Variants in PDE3B observed in about 807,000 individuals in gnomAD.
The protein encoded by PDE3B is cGMP-inhibited 3',5'-cyclic phosphodiesterase 3B.
Under a neutral mutation model 116.8 loss-of-function variants are expected in PDE3B, and 66 were observed. The observed-to-expected ratio is 0.56, with a 90% CI of 0.46 to 0.69. PDE3B has a LOEUF of 0.69. Ranked by LOEUF, PDE3B falls within the 30% of genes least tolerant of loss-of-function variation. The pLI is 0.00. For synonymous variants in PDE3B, 595 were observed against 533.6 expected, an observed-to-expected ratio of 1.12 and a Z score of -1.59; for missense variants, 1,384 against 1,368.1, an observed-to-expected ratio of 1.01 and a Z score of -0.18.
At chr11:14,795,416 C>T (rs1383821109) in intron 4 of PDE3B, among the ~76,000 whole-genome samples, 2 of 152,226 alleles carry the variant, frequency 1.3e-5, no homozygotes, top group Non-Finnish European at 2.9e-5. Context: ...ATTGGAACTA[C>T]TCGTCTGCTT....
At chr11:14,888,723 C>T in the PDE3B span, among the ~76,000 whole-genome samples, 2 of 152,172 alleles carry the variant, frequency 1.3e-5, no homozygotes, top group African/African-American at 4.8e-5. Context: ...GCAGTGATTT[C>T]ATCTTTTTCA....
the PDE3B span, among the ~76,000 whole-genome samples, chr11:14,882,729 G>C: frequency 9.8e-5 from 15 of 152,326 alleles, no homozygotes; most frequent in African/African-American, 2.4e-4. Context: ...ATTAGGAAAA[G>C]AGGAAGTCAA....
chr11:14,688,097 TTCTCTCTCTCTCTCTTTC>T (rs921595371), intron 1 of PDE3B, among the ~76,000 whole-genome samples: 5 of 115,758 alleles, frequency 4.3e-5, no homozygotes, highest in Admixed American at 1.6e-4. Flanking sequence ...CTTTCTTTCT[TTCTCTCTCTCTCTCTTTC>T]TCTCTCTCTC....
intron 1 of PDE3B, among the ~76,000 whole-genome samples, chr11:14,645,578 G>A (rs990116249): frequency 2.0e-5 from 3 of 152,138 alleles, no homozygotes; most frequent in Non-Finnish European, 4.4e-5. Flanking sequence ...CAAGACATGA[G>A]CTTTGCAAAT....
At chr11:14,765,261 T>C (rs567966833) in intron 1 of PDE3B, among the ~76,000 whole-genome samples, 1 of 152,100 alleles carries the variant, frequency 6.6e-6, no homozygotes, top group East Asian at 1.9e-4. Flanking sequence ...ATAACAGTTC[T>C]GTAAGCTTGA....
chr11:14,891,632 G>A, the PDE3B span: 10 of 1,101,982 alleles, frequency 9.1e-6, no homozygotes, highest in Non-Finnish European at 1.1e-5. Flanking sequence ...CCGCACCTGA[G>A]GGCATGCGTC....
At chr11:14,766,897 T>A (rs1319995577) in intron 1 of PDE3B, among the ~76,000 whole-genome samples, 1 of 151,768 alleles carries the variant, frequency 6.6e-6, no homozygotes, top group African/African-American at 2.4e-5. Context: ...TGTCTGCTAT[T>A]CTTCCTCAAG....
chr11:14,679,833 C>T (rs372828707), intron 1 of PDE3B, among the ~76,000 whole-genome samples: 4 of 151,992 alleles, frequency 2.6e-5, no homozygotes, highest in African/African-American at 7.2e-5. Flanking sequence ...CACTACAGTT[C>T]ACGGAATGGA....
chr11:14,790,345 G>A (rs201260329), intron 4 of PDE3B, among the ~76,000 whole-genome samples: 1 of 119,594 alleles, frequency 8.4e-6, no homozygotes, highest in African/African-American at 3.1e-5. Flanking sequence ...TTTTTTTTTT[G>A]TAAAGGAAGC....
chr11:14,643,992 CG>C lies in PDE3B; in HGVS notation c.-79del, dbSNP rs570978799. On this transcript the variant is annotated 5_prime_UTR_variant, in exon 1 of 16. Coordinates refer to ENST00000282096, the MANE Select transcript of PDE3B (RefSeq NM_000922.4). ...TGCGAACCAGGGGGCGCCCCGAACG[CG>C]GGGGTTGGGGTCTGGGAGCGCGAGC... 1.5e-6 allele frequency: 2 copies of C among 1,375,764 alleles called. No individual in the cohort carries two copies. The highest frequency in any genetic ancestry group is 3.3e-5 in the South Asian group (2 of 59,874). 85.2% of individuals were successfully genotyped at this position (1,375,764 alleles called of 1,614,324 possible).
At chr11:14,759,997 A>G (rs960351166) in intron 1 of PDE3B, among the ~76,000 whole-genome samples, 5 of 152,162 alleles carry the variant, frequency 3.3e-5, no homozygotes, top group African/African-American at 9.7e-5. Flanking sequence ...TATAGGATGA[A>G]AGAGACTTAC....
chr11:14,658,870 AG>A (rs1853800518), intron 1 of PDE3B, among the ~76,000 whole-genome samples: 1 of 152,240 alleles, frequency 6.6e-6, no homozygotes, highest in South Asian at 2.1e-4. Context: ...ATTCAGGGAC[AG>A]TATCTTATTT....
At chr11:14,679,324 T>C (rs1307448438) in intron 1 of PDE3B, among the ~76,000 whole-genome samples, 1 of 152,182 alleles carries the variant, frequency 6.6e-6, no homozygotes, top group African/African-American at 2.4e-5. Context: ...TTTTTTAGGC[T>C]CTTGAGCCCC....
At chr11:14,770,313 G>A (rs1325700638) in intron 1 of PDE3B, among the ~76,000 whole-genome samples, 1 of 151,354 alleles carries the variant, frequency 6.6e-6, no homozygotes, top group Admixed American at 6.6e-5. Flanking sequence ...ATGGAGAATA[G>A]GGTAGTTGAC....
intron 3 of PDE3B, 130 bp downstream of exon 3, chr11:14,786,815 G>T: frequency 1.5e-6 from 1 of 664,750 alleles, no homozygotes; most frequent in Non-Finnish European, 2.6e-6. Context: ...AGCTGCTTGG[G>T]ATGTTAGAGG....
intron 1 of PDE3B, among the ~76,000 whole-genome samples, chr11:14,654,944 A>G (rs1427469494): frequency 2.7e-5 from 2 of 73,844 alleles, no homozygotes; most frequent in African/African-American, 5.6e-5. Flanking sequence ...TATCAGAGAA[A>G]AAAGGAGGTC....
Position 14,818,171 on chromosome 11 carries a change from T to C in PDE3B, c.1523-12T>C. On this transcript the variant is annotated splice_polypyrimidine_tract_variant and intron_variant, in intron 5 of 15. Coordinates refer to ENST00000282096, the MANE Select transcript of PDE3B (RefSeq NM_000922.4). The stretch of plus-strand genomic sequence containing the variant: ...TCTTATTTATCTATCTCCTTTCTTT[T>C]AATTTTTAAAGGTGTTTTGTCCAGT... 6.4e-7 allele frequency: 1 copy of C among 1,558,212 alleles called. No homozygotes were observed. The highest frequency in any genetic ancestry group is 1.7e-5 in the Admixed American group (1 of 59,512).
intron 4 of PDE3B, among the ~76,000 whole-genome samples, chr11:14,790,773 T>C (rs185703263): frequency 6.6e-6 from 1 of 152,282 alleles, no homozygotes; most frequent in East Asian, 1.9e-4. Context: ...GAGACCAGGC[T>C]AGATGTATCT....
chr11:14,649,080 A>G (rs1232512011), intron 1 of PDE3B, among the ~76,000 whole-genome samples: 1 of 152,100 alleles, frequency 6.6e-6, no homozygotes, highest in Non-Finnish European at 1.5e-5. Flanking sequence ...TCACATCTCC[A>G]TAATTTGTTT....
Sources: gnomAD v4.1 joint callset for allele counts (sites outside exome capture counted in the v4.1 genomes callset) on GRCh38, gnomAD v4.1.1 for gene constraint, MANE v1.5 for transcripts, NCBI Gene and HGNC (gene_info 2026-07-23, HGNC 2026-07-21) for gene names.